The following DCTN1 variants were observed in gnomAD, a reference collection of about 807,000 sequenced individuals.
DCTN1 encodes the protein dynactin subunit 1.
Under a neutral mutation model 161.2 loss-of-function variants are expected in DCTN1, and 61 were observed. The ratio of observed to expected loss-of-function variants is 0.38; its 90% CI spans 0.31 to 0.47. The LOEUF is 0.47. Ranked by LOEUF, DCTN1 falls within the 20% of genes least tolerant of loss-of-function variation. DCTN1 has a pLI of 0.99. For synonymous variants in DCTN1, 653 were observed against 632.4 expected (o/e 1.03, Z -0.49); for missense variants, 1,404 against 1,623.7 (o/e 0.86, Z 2.33).
chr2:74,371,553 A>G lies in DCTN1; in HGVS notation c.629T>C (p.Leu210Pro). 1 of 1,577,680 alleles carries G rather than the reference A, an allele frequency of 6.3e-7. No individual in the cohort carries two copies. Residue 210 changes from leucine to proline, a missense_variant, in exon 8 of 32, where the codon CTT becomes CCT. Transcript: ENST00000628224. The part of the protein sequence containing the change: ...VLTSPGAVPP[L>P]PSPSKEEEGL... Reference sequence around the variant, plus strand: ...AGGCCTTACCTTGGATGGGGAAGGAAGCGGGGGGACTGCTCCAGGAGAGGT... The same window carrying G: ...AGGCCTTACCTTGGATGGGGAAGGAGGCGGGGGGACTGCTCCAGGAGAGGT...
chr2:74,374,075 G>A (rs1228058165), intron 6 of DCTN1: 5 of 555,414 alleles, frequency 9.0e-6, no homozygotes, highest in African/African-American at 5.6e-5. Flanking sequence ...TGAAGCCCAA[G>A]CCTGTGAGGC....
chr2:74,368,363 G>T (rs914443368), intron 16 of DCTN1: 2 of 634,748 alleles, frequency 3.2e-6, no homozygotes, highest in Non-Finnish European at 5.4e-6. Context: ...TGGGACCGGT[G>T]GAATCAAGGT....
At position 74,369,005 on chromosome 2, in the gene DCTN1, C is replaced by A. The variant is rs1265614688; in HGVS notation, c.1701+93G>T. Reference sequence around the variant, plus strand: ...CAGGCCAGAGTCTTCCAAACCACCACACAAAGCACCCCTTCCCCCAGGAAT... The same window carrying A: ...CAGGCCAGAGTCTTCCAAACCACCAAACAAAGCACCCCTTCCCCCAGGAAT... On this transcript the variant is annotated intron_variant, in intron 15 of 31. Transcript: ENST00000628224. This position sits in a 1 kb window ranked among gnomAD's most constrained non-coding sequence, Gnocchi z 4.9. 2 of 1,562,198 alleles carry A rather than the reference C, an allele frequency of 1.3e-6. No homozygotes were observed. The highest frequency in any genetic ancestry group is 1.8e-6 in the Non-Finnish European group (2 of 1,134,922).
At position 74,363,720 on chromosome 2, in the gene DCTN1, G is replaced by T. The variant is rs938017315; in HGVS notation, c.3197-92C>A. 3.3e-6 allele frequency: 5 copies of T among 1,526,888 alleles called. No homozygotes were observed. The African/African-American group carries it at 5.4e-5, about 17-fold the overall frequency. The allele number at this position is 1,526,888 out of a possible 1,614,324, so 94.6% of individuals were successfully genotyped here. A position where few individuals can be genotyped will look rare whatever the true frequency, so the allele number is the denominator to read the frequency against. ...ACGGGGACACACCAGAGGAATCCTGGACACAACCTGCAGGAAAACCCTTTT... is the reference window on the plus strand; with the variant it reads ...ACGGGGACACACCAGAGGAATCCTGTACACAACCTGCAGGAAAACCCTTTT... On this transcript the variant is annotated intron_variant, in intron 26 of 31. Transcript: ENST00000628224.
Position 74,366,796 on chromosome 2 carries a change from G to A in DCTN1, c.2453C>T (p.Ala818Val), listed in dbSNP as rs754029644. 1 of 1,614,188 alleles carries A rather than the reference G, an allele frequency of 6.2e-7. No individual in the cohort carries two copies. Among genetic ancestry groups the A allele is most frequent in the South Asian group, 1.1e-5 (1 of 91,084 alleles). Residue 818 changes from alanine (A) to valine (V), a missense_variant, in exon 21 of 32, where the codon GCC becomes GTC. Physicochemically the swap from Ala to Val is moderately conservative, Grantham distance 64. This residue lies in a region of DCTN1 where 475 missense variants were observed against 489.8 expected (regional missense o/e 0.97). Coordinates refer to ENST00000628224, the MANE Select transcript of DCTN1 (RefSeq NM_004082.5). Reference sequence around the variant, plus strand: ...GCAGCCTTAAACCTGTGGTCCAAAGGCCAGTGCAGCTGGGATCCCAGGAGC... The same window carrying A: ...GCAGCCTTAAACCTGTGGTCCAAAGACCAGTGCAGCTGGGATCCCAGGAGC... ...TDAPGIPAAL[A>V]FGPQVSDTLL...
intron 28 of DCTN1, 25 bp downstream of exon 28, chr2:74,363,269 C>G: frequency 1.2e-6 from 2 of 1,614,080 alleles, no homozygotes; most frequent in Non-Finnish European, 1.7e-6. Context: ...ATCTCCCATC[C>G]CAGTCCTCCC....
Position 74,362,383 on chromosome 2 carries a change from T to C in DCTN1, c.3610-242A>G, listed in dbSNP as rs78137114. On this transcript the variant is annotated intron_variant, in intron 30 of 31. Coordinates refer to ENST00000628224, the MANE Select transcript of DCTN1 (RefSeq NM_004082.5). ...GCTCTTGGGAAGCCATGCCCAACCG[T>C]TCTACCCCACAATGATCTCAGCGCT... is the stretch of plus-strand genomic sequence containing the variant. Among the ~76,000 whole-genome samples, 31 of 152,264 alleles carry C rather than the reference T, an allele frequency of 2.0e-4. No individual in the cohort carries two copies. In the East Asian group the frequency reaches 5.6e-3, roughly 27 times the overall value.
At chr2:74,379,343 T>A (rs1675402395) in intron 1 of DCTN1, among the ~76,000 whole-genome samples, 1 of 152,032 alleles carries the variant, frequency 6.6e-6, no homozygotes, top group South Asian at 2.1e-4. Context: ...TATAATAGCT[T>A]CAGAAGGGAG....
Position 74,371,741 on chromosome 2 carries a change from G to T in DCTN1, c.454-13C>A, listed in dbSNP as rs763733031. 1 of 1,604,306 alleles carries T rather than the reference G, an allele frequency of 6.2e-7. No homozygotes were observed. Among genetic ancestry groups the T allele is most frequent in the South Asian group, 1.1e-5 (1 of 89,104 alleles). ...CTGGGCGCGTGGGCTATTCAGAAAGGGTAGAGGCAGACCAGAAAGAAAGCA... is the reference window on the plus strand; with the variant it reads ...CTGGGCGCGTGGGCTATTCAGAAAGTGTAGAGGCAGACCAGAAAGAAAGCA... On this transcript the variant is annotated splice_polypyrimidine_tract_variant and intron_variant, in intron 7 of 31. Transcript: ENST00000628224.
intron 1 of DCTN1, among the ~76,000 whole-genome samples, chr2:74,388,502 T>A (rs1479072635): frequency 1.3e-5 from 2 of 152,250 alleles, no homozygotes; most frequent in African/African-American, 4.8e-5. Context: ...CTGCAAATGT[T>A]ACAAATGTCA....
Position 74,371,588 on chromosome 2 carries a change from C to T in DCTN1, c.594G>A (p.Thr198=), listed in dbSNP as rs1159670774. 7.6e-6 allele frequency: 12 copies of T among 1,587,526 alleles called. No homozygotes were observed. The highest frequency in any genetic ancestry group is 5.7e-5 in the South Asian group (5 of 87,100). ...CTGCTCCAGGAGAGGTGAGGACCGG[C>T]GTGGGGATGATGGGTGCTGCCAGCG... ...QTPLAAPIIP[T]PVLTSPGAVP... is the part of the protein sequence containing the mutation. The change falls in exon 8 of 32, where the codon ACG becomes ACA. Residue 198 remains threonine, a synonymous_variant. Transcript: ENST00000628224.
intron 16 of DCTN1, 134 bp downstream of exon 16, chr2:74,368,594 C>T (rs989908364): frequency 2.5e-6 from 3 of 1,197,654 alleles, no homozygotes; most frequent in Non-Finnish European, 3.6e-6. Context: ...TAATCGGTGA[C>T]TTTGCTGTGT....
chr2:74,391,537 A>G lies in DCTN1; in HGVS notation c.-19+257T>C, dbSNP rs866140634. On this transcript the variant is annotated intron_variant, in intron 1 of 27. Coordinates refer to the DCTN1 transcript ENST00000409240. Reference sequence around the variant, plus strand: ...TCAGACGCTCGCAGGAACGGAGGGGAGACCCTTGCAGTTCTGGAGGAACTC... The same window carrying G: ...TCAGACGCTCGCAGGAACGGAGGGGGGACCCTTGCAGTTCTGGAGGAACTC... 12 of 316,280 alleles carry G rather than the reference A, an allele frequency of 3.8e-5. No homozygotes were observed. The East Asian group carries it at 1.2e-3, about 31-fold the overall frequency. The allele number at this position is 316,280 out of a possible 1,614,324, so 19.6% of individuals were successfully genotyped here. A position where few individuals can be genotyped will look rare whatever the true frequency, so the allele number is the denominator to read the frequency against.
chr2:74,367,849 G>A lies in DCTN1; in HGVS notation c.2031C>T (p.Cys677=), dbSNP rs112930313. ...CCACTTTCTTATACACATCCACACTGCACTGAGAGAGGGCACTAGAGACCA... is the reference window on the plus strand; with the variant it reads ...CCACTTTCTTATACACATCCACACTACACTGAGAGAGGGCACTAGAGACCA... The part of the protein sequence containing the change: ...LHRYEHALSQ[C]SVDVYKKVGS... The change falls in exon 18 of 32, where the codon TGC becomes TGT. Residue 677 remains cysteine, a synonymous_variant. Coordinates refer to ENST00000628224, the MANE Select transcript of DCTN1 (RefSeq NM_004082.5). 5.6e-6 allele frequency: 9 copies of A among 1,614,174 alleles called. No homozygotes were observed. The highest frequency in any genetic ancestry group is 4.0e-5 in the African/African-American group (3 of 75,038).
Position 74,378,007 on chromosome 2 carries a change from T to C in DCTN1, c.272A>G (p.Gln91Arg). ...AAAGAAGGGCGTGAATACCTGGGAC[T>C]GGCGCACAAAGATGCCATGCCCTTC... The part of the protein sequence containing the change: ...CDEGHGIFVR[Q>R]SQIQVFEDGA... The change falls in exon 2 of 32, where the codon CAG becomes CGG. Residue 91 changes from glutamine to arginine, a missense_variant. Around this residue, in one of 9 missense-constraint regions of DCTN1, gnomAD observed 174 missense variants for 175.6 expected, o/e 0.99. Coordinates refer to ENST00000628224, the MANE Select transcript of DCTN1 (RefSeq NM_004082.5). 1 of 1,614,250 alleles carries C rather than the reference T, an allele frequency of 6.2e-7. No individual in the cohort carries two copies. The highest frequency in any genetic ancestry group is 8.5e-7 in the Non-Finnish European group (1 of 1,180,026).
At chr2:74,361,721 C>T in intron 31 of DCTN1, 85 bp from the exon 32 acceptor site, 1 of 1,574,042 alleles carries the variant, frequency 6.4e-7, no homozygotes, top group Admixed American at 1.7e-5. Context: ...AGCACTGAGA[C>T]CAAGGCAGCT....
chr2:74,377,928 T>C, intron 2 of DCTN1, 72 bp downstream of exon 2: 1 of 1,601,806 alleles, frequency 6.2e-7, no homozygotes, highest in Non-Finnish European at 8.5e-7. Flanking sequence ...GAAAACGAAG[T>C]ACCAACACAT....
chr2:74,374,437 G>A, intron 5 of DCTN1, 97 bp from the exon 6 acceptor site: 1 of 1,591,368 alleles, frequency 6.3e-7, no homozygotes. Context: ...CAGACGAAGG[G>A]AGGGAGGGCA....
intron 8 of DCTN1, 175 bp downstream of exon 8, chr2:74,371,362 G>T (rs1020707088): frequency 4.4e-6 from 6 of 1,357,444 alleles, no homozygotes; most frequent in Non-Finnish European, 6.1e-6. Context: ...TATGGCATAA[G>T]GGCAAGAAAG....
Sources: allele counts gnomAD v4.1 joint callset (sites outside exome capture counted in the v4.1 genomes callset), GRCh38; gene constraint gnomAD v4.1.1; regional missense constraint gnomAD v4.1.1; non-coding constraint Gnocchi (gnomAD v3.1); transcripts MANE v1.5; gene names NCBI Gene and HGNC (gene_info 2026-07-23, HGNC 2026-07-21).